Variants in ACVR1 observed in about 807,000 individuals in gnomAD.
ACVR1 encodes activin receptor type-1.
ACVR1 carries 38 observed loss-of-function variants against 57.1 expected under a neutral mutation model. The ratio of observed to expected loss-of-function variants is 0.67; its 90% CI spans 0.51 to 0.87. The LOEUF (loss-of-function observed/expected upper bound fraction) is 0.87. Ranked by LOEUF, ACVR1 falls within the 40% of genes least tolerant of loss-of-function variation. ACVR1 has a pLI of 0.00. For synonymous variants in ACVR1, 212 were observed against 228.1 expected, an observed-to-expected ratio of 0.93 and a Z score of 0.63; for missense variants, 463 against 638.2, an observed-to-expected ratio of 0.73 and a Z score of 2.96.
chr2:157,770,365 T>TAG lies in ACVR1; in HGVS notation c.790+2_790+3insCT, dbSNP rs1267367225. On this transcript the variant is annotated splice_region_variant and intron_variant, in intron 7 of 10. Transcript: ENST00000434821. ...TTAATGAGGGGGTTATCCTTGTACT[T>TAG]ACCTAAGATATTTTCATGCCTCAGC... The TAG allele has an allele frequency of 6.2e-7, 1 of 1,613,848 alleles. No homozygotes were observed. The highest frequency in any genetic ancestry group is 1.3e-5 in the African/African-American group (1 of 74,920).
chr2:157,849,626 T>C (rs1447453535), intron 1 of ACVR1, among the ~76,000 whole-genome samples: 1 of 152,250 alleles, frequency 6.6e-6, no homozygotes, highest in African/African-American at 2.4e-5. Flanking sequence ...AACCTCATTA[T>C]CTTTTGGCAC....
chr2:157,820,027 T>A (rs1440422176), intron 1 of ACVR1, among the ~76,000 whole-genome samples: 1 of 152,200 alleles, frequency 6.6e-6, no homozygotes, highest in Non-Finnish European at 1.5e-5. Flanking sequence ...GCAATAATTA[T>A]GGGGAAAAAT....
chr2:157,747,720 T>C (rs936570287), intron 9 of ACVR1, among the ~76,000 whole-genome samples: 6 of 152,158 alleles, frequency 3.9e-5, no homozygotes, highest in African/African-American at 1.4e-4. Flanking sequence ...ATTGAATACT[T>C]TCAGGTTTAA....
At chr2:157,799,528 T>A in intron 2 of ACVR1, 28 bp from the exon 3 acceptor site, 1 of 1,553,660 alleles carries the variant, frequency 6.4e-7, no homozygotes, top group Non-Finnish European at 8.9e-7. Flanking sequence ...GAGATGTAAG[T>A]AAAGCATAAA....
intron 1 of ACVR1, among the ~76,000 whole-genome samples, chr2:157,825,326 C>G (rs1003082797): frequency 1.3e-5 from 2 of 152,126 alleles, no homozygotes; most frequent in African/African-American, 4.8e-5. Flanking sequence ...AGCCTTTACC[C>G]AGTTAACAGG....
chr2:157,768,565 G>A (rs902048527), intron 7 of ACVR1, among the ~76,000 whole-genome samples: 5 of 152,126 alleles, frequency 3.3e-5, no homozygotes, highest in African/African-American at 9.7e-5. Flanking sequence ...AAGTTTATCT[G>A]TCCCATTAAT....
intron 1 of ACVR1, among the ~76,000 whole-genome samples, chr2:157,861,213 T>C (rs2105376897): frequency 6.6e-6 from 1 of 152,356 alleles, no homozygotes; most frequent in Non-Finnish European, 1.5e-5. Flanking sequence ...GCTATTTCTT[T>C]TTCTGCCTCT....
chr2:157,847,031 A>G (rs1689145697), intron 1 of ACVR1, among the ~76,000 whole-genome samples: 2 of 152,222 alleles, frequency 1.3e-5, no homozygotes, highest in Non-Finnish European at 1.5e-5. Context: ...AGCCCTCAGA[A>G]AGGAAACCAG....
intron 5 of ACVR1, among the ~76,000 whole-genome samples, chr2:157,777,514 T>C (rs1686337047): frequency 6.6e-6 from 1 of 152,244 alleles, no homozygotes; most frequent in Non-Finnish European, 1.5e-5. Flanking sequence ...AATCTACTTT[T>C]ACGAAACTTT....
intron 1 of ACVR1, among the ~76,000 whole-genome samples, chr2:157,823,014 A>C (rs1379482996): frequency 6.6e-6 from 1 of 152,244 alleles, no homozygotes; most frequent in East Asian, 1.9e-4. Context: ...TATGCTATGC[A>C]TATAAACTTA....
At chr2:157,822,474 G>T (rs917235145) in intron 1 of ACVR1, among the ~76,000 whole-genome samples, 13 of 152,170 alleles carry the variant, frequency 8.5e-5, no homozygotes, top group Admixed American at 5.2e-4. Flanking sequence ...ATGACCATGA[G>T]AAATGGGAAT....
chr2:157,744,953 T>A (rs1684911495), intron 9 of ACVR1, among the ~76,000 whole-genome samples: 1 of 152,212 alleles, frequency 6.6e-6, no homozygotes. Flanking sequence ...AAAGACAGCC[T>A]TGTCCCATGC....
chr2:157,783,697 T>C (rs181345332), intron 3 of ACVR1, among the ~76,000 whole-genome samples: 74 of 152,314 alleles, frequency 4.9e-4, no homozygotes, highest in Admixed American at 4.7e-3. Flanking sequence ...ATCTCTGATA[T>C]GAAAGAACCC....
At chr2:157,787,766 C>T (rs1686766581) in intron 3 of ACVR1, among the ~76,000 whole-genome samples, 1 of 152,176 alleles carries the variant, frequency 6.6e-6, no homozygotes, top group African/African-American at 2.4e-5. Context: ...CTGGGCTCTA[C>T]ACTGAGAATT....
intron 1 of ACVR1, among the ~76,000 whole-genome samples, chr2:157,855,779 G>C (rs764297637): frequency 5.3e-4 from 81 of 152,108 alleles, no homozygotes; most frequent in Non-Finnish European, 9.4e-4. Flanking sequence ...CAGGGTCAAT[G>C]GTCCTTCAGC....
At chr2:157,753,011 C>A (rs908068543) in intron 9 of ACVR1, among the ~76,000 whole-genome samples, 1 of 152,204 alleles carries the variant, frequency 6.6e-6, no homozygotes, top group African/African-American at 2.4e-5. Context: ...TGAAAAGATA[C>A]AGAATTGCAA....
intron 1 of ACVR1, among the ~76,000 whole-genome samples, chr2:157,834,956 C>T (rs899294380): frequency 1.3e-5 from 2 of 152,174 alleles, no homozygotes; most frequent in Non-Finnish European, 2.9e-5. Context: ...TCGCCAGACA[C>T]TGAATCTGCC....
intron 1 of ACVR1, among the ~76,000 whole-genome samples, chr2:157,819,099 A>AAAC: frequency 6.6e-6 from 1 of 150,590 alleles, no homozygotes; most frequent in South Asian, 2.1e-4. Flanking sequence ...AAAAAAAAAA[A>AAAC]AAAACCAGTA....
Position 157,770,450 on chromosome 2 carries a change from G to T in ACVR1, c.708C>A (p.Ile236=), listed in dbSNP as rs1258209325. The T allele has an allele frequency of 1.9e-6, 3 of 1,613,914 alleles. No individual in the cohort carries two copies. In the East Asian group the frequency reaches 6.7e-5, roughly 36 times the overall value. Residue 236 remains isoleucine (I), a synonymous_variant, in exon 7 of 11, where the codon ATC becomes ATA. Transcript: ENST00000434821. ...ATGACTTCTCATCACGGGAGGAGAA[G>T]ATCTTCACGGCAACATTCTCCCCTT... ...SWQGENVAVK[I]FSSRDEKSWF... is the part of the protein sequence containing the mutation.
Sources: gnomAD v4.1 joint callset for allele counts (sites outside exome capture counted in the v4.1 genomes callset) on GRCh38, gnomAD v4.1.1 for gene constraint, MANE v1.5 for transcripts, NCBI Gene and HGNC (gene_info 2026-07-23, HGNC 2026-07-21) for gene names.